The following CNTN4 variants were observed in gnomAD, a reference collection of about 807,000 sequenced individuals.
CNTN4 encodes the protein contactin-4.
In CNTN4, 77 loss-of-function variants were observed where a neutral mutation model predicts 122.5. The ratio of observed to expected loss-of-function variants is 0.63; its 90% CI spans 0.52 to 0.76. The LOEUF is 0.76. CNTN4 is among the 30% of genes least tolerant of loss of function. The pLI, the probability that CNTN4 is intolerant of heterozygous loss-of-function variation, is 0.00. For missense variants in CNTN4, 1,256 were observed against 1,259.1 expected, an observed-to-expected ratio of 1.00 and a Z score of 0.04; for synonymous variants, 512 against 447.0, an observed-to-expected ratio of 1.15 and a Z score of -1.83.
intron 2 of CNTN4, among the ~76,000 whole-genome samples, chr3:2,173,547 A>C (rs1354398307): frequency 1.3e-5 from 2 of 152,172 alleles, no homozygotes; most frequent in Admixed American, 6.5e-5. Context: ...CAAACTGTTA[A>C]TGGATAGAAA....
intron 2 of CNTN4, among the ~76,000 whole-genome samples, chr3:2,144,436 C>T (rs2035148055): frequency 6.6e-6 from 1 of 152,144 alleles, no homozygotes; most frequent in African/African-American, 2.4e-5. Context: ...CATAGAGTTT[C>T]TAAAAGAGAA....
Position 3,035,131 on chromosome 3 carries a change from A to G in CNTN4, c.1942+341A>G, listed in dbSNP as rs147645160. 2.4e-3 allele frequency among the ~76,000 whole-genome samples: 367 copies of G among 151,834 alleles called. 2 individuals carry two copies. Among genetic ancestry groups the G allele is most frequent in the African/African-American group, 8.7e-3 (358 of 41,382 alleles). On this transcript the variant is annotated intron_variant, in intron 17 of 24. Coordinates refer to ENST00000418658, the MANE Select transcript of CNTN4 (RefSeq NM_175607.3). ...CAGACCAGCCTGGGCAACATGGCAAAACCCCCTCTCTACAAAATATACAAA... is the reference window on the plus strand; with the variant it reads ...CAGACCAGCCTGGGCAACATGGCAAGACCCCCTCTCTACAAAATATACAAA...
chr3:2,262,220 C>T (rs1478019643), intron 2 of CNTN4: 2 of 152,166 alleles, frequency 1.3e-5, no homozygotes, highest in African/African-American at 2.4e-5. Context: ...CTCTGTATCT[C>T]CAACTGGACC....
chr3:2,344,278 A>ATTT (rs4057746), intron 3 of CNTN4, among the ~76,000 whole-genome samples: 87 of 145,974 alleles, frequency 6.0e-4, no homozygotes, highest in Non-Finnish European at 6.8e-4. Context: ...GCCAGGTCAA[A>ATTT]TTTTTTTTTT....
At chr3:2,544,928 G>A (rs62235762) in intron 3 of CNTN4, among the ~76,000 whole-genome samples, 37,256 of 151,784 alleles carry the variant, frequency 0.25, 5,662 homozygotes, top group Admixed American at 0.34. Flanking sequence ...TGGTTAGTTT[G>A]TTCTTTGTTC....
chr3:2,615,628 A>G (rs1431982284), intron 4 of CNTN4, among the ~76,000 whole-genome samples: 1 of 152,218 alleles, frequency 6.6e-6, no homozygotes, highest in African/African-American at 2.4e-5. Context: ...TATAATTTAT[A>G]TACCCTAAAG....
chr3:2,335,666 T>A (rs1436998529), intron 2 of CNTN4, among the ~76,000 whole-genome samples: 2 of 151,696 alleles, frequency 1.3e-5, no homozygotes, highest in Non-Finnish European at 2.9e-5. Context: ...TCATGCTGGC[T>A]AACCTAAGAT....
rs1694765135 is a variant in CNTN4, at chr3:2,988,356, C to A, written c.1370C>A (p.Ser457Tyr). The change falls in exon 14 of 25, where the codon TCT (serine) becomes TAT (tyrosine). Residue 457 changes from serine to tyrosine, a missense_variant. Physicochemically the swap from Ser to Tyr is moderately radical, Grantham distance 144. Transcript: ENST00000418658. ...ILKENERITI[S>Y]EDGNLRIINV... ...TACTTTGATTTCAGAATTACCATTT[C>A]TGAAGATGGAAACCTCAGAATCATC... is the stretch of plus-strand genomic sequence containing the variant. The A allele has an allele frequency of 1.2e-6, 2 of 1,613,692 alleles. No homozygotes were observed. The highest frequency in any genetic ancestry group is 1.1e-5 in the South Asian group (1 of 91,068).
chr3:2,853,906 T>A (rs1326384559), intron 7 of CNTN4, among the ~76,000 whole-genome samples: 1 of 152,198 alleles, frequency 6.6e-6, no homozygotes, highest in South Asian at 2.1e-4. Context: ...CTTGGGGGAA[T>A]GATGACTGCC....
At chr3:2,869,798 C>A (rs1396732513) in intron 8 of CNTN4, among the ~76,000 whole-genome samples, 1 of 152,136 alleles carries the variant, frequency 6.6e-6, no homozygotes, top group African/African-American at 2.4e-5. Flanking sequence ...GATTAAGCTA[C>A]ATTATATTCA....
At chr3:2,719,563 C>T (rs761251564) in intron 4 of CNTN4, among the ~76,000 whole-genome samples, 4 of 152,092 alleles carry the variant, frequency 2.6e-5, no homozygotes, top group Admixed American at 6.5e-5. Flanking sequence ...GCTGGGATTA[C>T]AGGCATTGAG....
At chr3:2,312,041 A>G (rs971299765) in intron 2 of CNTN4, among the ~76,000 whole-genome samples, 1 of 152,034 alleles carries the variant, frequency 6.6e-6, no homozygotes, top group African/African-American at 2.4e-5. Context: ...TGATACGATA[A>G]AACTTTTTTT....
At chr3:2,844,343 A>G (rs1469216012) in intron 7 of CNTN4, among the ~76,000 whole-genome samples, 2 of 152,236 alleles carry the variant, frequency 1.3e-5, no homozygotes, top group African/African-American at 4.8e-5. Flanking sequence ...ACTTTAAAGC[A>G]TTTTATGTTA....
intron 3 of CNTN4, among the ~76,000 whole-genome samples, chr3:2,530,014 C>G (rs2077537715): frequency 6.6e-6 from 1 of 152,058 alleles, no homozygotes; most frequent in Non-Finnish European, 1.5e-5. Context: ...TTAGATTTCC[C>G]TCATGTGATG....
chr3:2,856,278 T>C (rs527382892), intron 7 of CNTN4, among the ~76,000 whole-genome samples: 149 of 142,572 alleles, frequency 1.0e-3, no homozygotes, highest in African/African-American at 4.0e-3. Context: ...TTTCAACGTG[T>C]GAAATAATGG....
At chr3:2,889,181 C>G (rs931509403) in intron 10 of CNTN4, among the ~76,000 whole-genome samples, 2 of 152,166 alleles carry the variant, frequency 1.3e-5, no homozygotes, top group African/African-American at 4.8e-5. Flanking sequence ...AATGACCTCC[C>G]CTAAGTGACT....
chr3:2,761,501 T>G (rs1245599791), intron 6 of CNTN4, among the ~76,000 whole-genome samples: 1 of 151,890 alleles, frequency 6.6e-6, no homozygotes, highest in South Asian at 2.1e-4. Context: ...CCTAGTCACA[T>G]GTAGATGTAC....
At chr3:2,131,131 A>T (rs973022488) in intron 2 of CNTN4, among the ~76,000 whole-genome samples, 1 of 152,302 alleles carries the variant, frequency 6.6e-6, no homozygotes, top group East Asian at 1.9e-4. Flanking sequence ...CAACTCTTTG[A>T]AGAAGGTGAT....
At chr3:2,405,060 G>A (rs1030834921) in intron 3 of CNTN4, among the ~76,000 whole-genome samples, 1 of 152,074 alleles carries the variant, frequency 6.6e-6, no homozygotes, top group Non-Finnish European at 1.5e-5. Flanking sequence ...AAGATAACAA[G>A]CCCTTATTTT....
Sources: gnomAD v4.1 joint callset for allele counts (sites outside exome capture counted in the v4.1 genomes callset) on GRCh38, gnomAD v4.1.1 for gene constraint, MANE v1.5 for transcripts, NCBI Gene and HGNC (gene_info 2026-07-23, HGNC 2026-07-21) for gene names.